The following PRKAR2A variants were observed in gnomAD, a reference collection of about 807,000 sequenced individuals.
PRKAR2A encodes protein kinase cAMP-dependent type II regulatory subunit alpha.
Under a neutral mutation model 51.9 loss-of-function variants are expected in PRKAR2A, and 29 were observed. The ratio of observed to expected loss-of-function variants is 0.56; its 90% CI spans 0.42 to 0.76. PRKAR2A has a LOEUF of 0.76. Among genes scored for constraint, PRKAR2A ranks in the 30% least tolerant of loss-of-function variants. The probability of loss-of-function intolerance (pLI) is 0.00; values close to 1 mark genes in which losing one functional copy is unlikely to be tolerated. For synonymous variants in PRKAR2A, 178 were observed against 186.2 expected, an observed-to-expected ratio of 0.96 and a Z score of 0.36; for missense variants, 445 against 512.1, an observed-to-expected ratio of 0.87 and a Z score of 1.26.
chr3:48,808,465 G>A (rs555500430), intron 1 of PRKAR2A, among the ~76,000 whole-genome samples: 82 of 152,350 alleles, frequency 5.4e-4, no homozygotes, highest in African/African-American at 1.9e-3. Context: ...GTGTTAGCCA[G>A]GATGGTCTCG....
chr3:48,810,902 T>G (rs1457377222), intron 1 of PRKAR2A, among the ~76,000 whole-genome samples: 2 of 152,096 alleles, frequency 1.3e-5, no homozygotes, highest in African/African-American at 4.8e-5. Context: ...AGGGGCCGGG[T>G]GCAGTGGCTC....
chr3:48,842,969 G>A (rs971948604), intron 1 of PRKAR2A, among the ~76,000 whole-genome samples: 59 of 152,150 alleles, frequency 3.9e-4, no homozygotes, highest in Middle Eastern at 6.8e-3. Context: ...CCATTGATTG[G>A]AATAGTTTCA....
intron 3 of PRKAR2A, among the ~76,000 whole-genome samples, chr3:48,791,818 G>A (rs550710407): frequency 2.1e-5 from 3 of 142,700 alleles, no homozygotes; most frequent in South Asian, 2.2e-4. Flanking sequence ...CAGGAGAATC[G>A]CTTGAACCCA....
intron 1 of PRKAR2A, among the ~76,000 whole-genome samples, chr3:48,837,642 G>A (rs560488605): frequency 3.7e-4 from 56 of 152,166 alleles, no homozygotes; most frequent in Non-Finnish European, 1.6e-4. Context: ...ACAAATATTC[G>A]TAGCAGCATT....
intron 6 of PRKAR2A, among the ~76,000 whole-genome samples, chr3:48,769,893 T>C (rs993725427): frequency 2.0e-5 from 3 of 151,980 alleles, no homozygotes; most frequent in Non-Finnish European, 2.9e-5. Context: ...TCCTCCCAAC[T>C]CAGCGTCCCA....
At chr3:48,809,349 G>A (rs1240193963) in intron 1 of PRKAR2A, among the ~76,000 whole-genome samples, 1 of 151,974 alleles carries the variant, frequency 6.6e-6, no homozygotes. Flanking sequence ...CCAGCACTCT[G>A]GGAGGCCGAG....
At chr3:48,783,876 C>T (rs969049958) in intron 4 of PRKAR2A, among the ~76,000 whole-genome samples, 7 of 151,944 alleles carry the variant, frequency 4.6e-5, no homozygotes, top group African/African-American at 9.7e-5. Context: ...CCACCACGTC[C>T]GGTGAACTCC....
chr3:48,778,549 C>A (rs1447188023), intron 5 of PRKAR2A, among the ~76,000 whole-genome samples: 1 of 150,892 alleles, frequency 6.6e-6, no homozygotes, highest in Non-Finnish European at 1.5e-5. Flanking sequence ...AGATGGAGTC[C>A]CATTCTGTCA....
At chr3:48,846,219 CTTT>C (rs11340522) in intron 1 of PRKAR2A, among the ~76,000 whole-genome samples, 20 of 127,272 alleles carry the variant, frequency 1.6e-4, no homozygotes, top group Non-Finnish European at 2.6e-4. Context: ...TTTCCTTTTT[CTTT>C]TTTTTTTTTT....
In PRKAR2A at chr3:48,801,042, C is replaced by T. The variant is rs1181783470; in HGVS notation, c.298+6607G>A. Among the ~76,000 whole-genome samples, 4 of 152,190 alleles carry T rather than the reference C, an allele frequency of 2.6e-5. 1 individual carries two copies. In the East Asian group the frequency reaches 5.8e-4, roughly 22 times the overall value. ...CATCGTCCAGAATGGAATGCAGTGG[C>T]GCAATCTTGGCTTACTGCAAACTGC... On this transcript the variant is annotated intron_variant, in intron 2 of 10. Transcript: ENST00000265563.
intron 8 of PRKAR2A, among the ~76,000 whole-genome samples, chr3:48,761,025 T>C (rs1325491113): frequency 6.6e-6 from 1 of 151,986 alleles, no homozygotes; most frequent in Non-Finnish European, 1.5e-5. Context: ...GGCTCACACC[T>C]GTAATCCCAG....
At chr3:48,767,216 C>G (rs1225954000) in intron 6 of PRKAR2A, among the ~76,000 whole-genome samples, 1 of 152,182 alleles carries the variant, frequency 6.6e-6, no homozygotes, top group African/African-American at 2.4e-5. Flanking sequence ...CAGTGGCTCA[C>G]GCCTGTAATC....
intron 1 of PRKAR2A, among the ~76,000 whole-genome samples, chr3:48,844,100 G>A (rs1486121635): frequency 2.8e-4 from 42 of 151,706 alleles, no homozygotes; most frequent in Admixed American, 2.4e-3. Context: ...GACAAAGGGC[G>A]AATATCCAGA....
At chr3:48,801,319 A>T (rs1324730972) in intron 2 of PRKAR2A, among the ~76,000 whole-genome samples, 3 of 151,536 alleles carry the variant, frequency 2.0e-5, no homozygotes, top group Admixed American at 2.0e-4. Context: ...TACCCAGCTA[A>T]ATTTTGTATT....
chr3:48,845,475 G>A (rs751923287), intron 1 of PRKAR2A, among the ~76,000 whole-genome samples: 1 of 152,140 alleles, frequency 6.6e-6, no homozygotes, highest in African/African-American at 2.4e-5. Flanking sequence ...AGTTTTGTGT[G>A]TGTGTGATCT....
chr3:48,808,048 CTTT>C (rs1181440560), intron 1 of PRKAR2A, among the ~76,000 whole-genome samples: 5 of 122,698 alleles, frequency 4.1e-5, no homozygotes, highest in African/African-American at 6.1e-5. Flanking sequence ...TTCTTTCTTT[CTTT>C]TTTTTTTTTT....
In PRKAR2A at chr3:48,752,313, T is replaced by A. The variant is rs2081662860; in HGVS notation, c.944A>T (p.Lys315Ile). ...EVSILIRSRTKSNKDGGNQEV... is the reference protein window; with the variant it reads ...EVSILIRSRTISNKDGGNQEV... ...CTGGTTCCCACCATCCTTGTTTGAT[T>A]TAGTCTACAGCAGGCAAAGAACATG... The change falls in exon 10 of 11, where the codon AAA becomes ATA. Residue 315 changes from lysine to isoleucine, a missense_variant. Coordinates refer to ENST00000265563, the MANE Select transcript of PRKAR2A (RefSeq NM_004157.4). The A allele has an allele frequency of 6.2e-7, 1 of 1,613,646 alleles. No individual in the cohort carries two copies. The highest frequency in any genetic ancestry group is 8.5e-7 in the Non-Finnish European group (1 of 1,179,848).
intron 2 of PRKAR2A, among the ~76,000 whole-genome samples, chr3:48,801,467 T>C (rs1419426734): frequency 6.6e-6 from 1 of 152,196 alleles, no homozygotes; most frequent in Non-Finnish European, 1.5e-5. Flanking sequence ...TTTTGTATTT[T>C]TAGTAGAGAC....
At chr3:48,765,687 G>A (rs1169726334) in intron 6 of PRKAR2A, among the ~76,000 whole-genome samples, 2 of 117,626 alleles carry the variant, frequency 1.7e-5, no homozygotes, top group African/African-American at 6.5e-5. Flanking sequence ...TCATGTCACT[G>A]CACTCCAGCC....
Sources: gnomAD v4.1 joint callset for allele counts (sites outside exome capture counted in the v4.1 genomes callset) on GRCh38, gnomAD v4.1.1 for gene constraint, MANE v1.5 for transcripts, NCBI Gene and HGNC (gene_info 2026-07-23, HGNC 2026-07-21) for gene names.